Variants in SEMA6A observed in about 807,000 individuals in gnomAD.
SEMA6A encodes the protein semaphorin 6A, also known as semaphorin-6A.
A neutral mutation model predicts 96.8 loss-of-function variants in SEMA6A; 25 were observed. The ratio of observed to expected loss-of-function variants is 0.26; its 90% CI spans 0.19 to 0.36. The LOEUF (loss-of-function observed/expected upper bound fraction) is 0.36, where lower values mean the gene tolerates loss of function less well. SEMA6A is among the 10% of genes least tolerant of loss of function. The probability of loss-of-function intolerance (pLI) is 1.00; values close to 1 mark genes in which losing one functional copy is unlikely to be tolerated. For synonymous variants in SEMA6A, 612 were observed against 518.0 expected (o/e 1.18, Z -2.46); for missense variants, 1,363 against 1,323.1 (o/e 1.03, Z -0.47).
Position 116,478,116 on chromosome 5 carries a change from C to T in SEMA6A, c.1466G>A (p.Gly489Asp). Residue 489 changes from glycine (G) to aspartate (D), a missense_variant, in exon 14 of 19, where the codon GGC becomes GAC. Transcript: ENST00000343348. The stretch of plus-strand genomic sequence containing the variant: ...GCTGCTTGCTCTGTCCAGCTGCATG[C>T]CCATGATCCTTTTGTCTTCGACTCC... ...YDGVEDKRIM[G>D]MQLDRASSSL... The T allele has an allele frequency of 1.2e-6, 2 of 1,613,918 alleles. No individual in the cohort carries two copies. Among genetic ancestry groups the T allele is most frequent in the Non-Finnish European group, 1.7e-6 (2 of 1,179,852 alleles).
chr5:116,496,799 A>C (rs1757624583), intron 4 of SEMA6A, among the ~76,000 whole-genome samples: 1 of 152,192 alleles, frequency 6.6e-6, no homozygotes, highest in Admixed American at 6.5e-5. Context: ...CTTCACATAG[A>C]TTAATGGACT....
chr5:116,503,455 T>C (rs961986340), intron 2 of SEMA6A, among the ~76,000 whole-genome samples: 3 of 152,084 alleles, frequency 2.0e-5, no homozygotes, highest in African/African-American at 7.2e-5. Flanking sequence ...GTCTCTACGA[T>C]CATGGATTTG....
chr5:116,487,239 C>A (rs1311858583), intron 9 of SEMA6A: 2 of 357,382 alleles, frequency 5.6e-6, no homozygotes, highest in Non-Finnish European at 5.2e-6. Flanking sequence ...CATTTCCATA[C>A]AGACTGCTTA....
At chr5:116,510,453 C>T (rs776122966) in intron 1 of SEMA6A, among the ~76,000 whole-genome samples, 25 of 152,088 alleles carry the variant, frequency 1.6e-4, no homozygotes, top group Non-Finnish European at 3.4e-4. Context: ...ACCCTCTGCC[C>T]CCTTACTAGC....
chr5:116,447,589 C>G lies in SEMA6A; in HGVS notation c.2117G>C (p.Ser706Thr). Residue 706 changes from serine (S) to threonine (T), a missense_variant, in exon 19 of 19, where the codon AGC (serine) becomes ACC (threonine). Physicochemically the swap from Ser to Thr is moderately conservative, Grantham distance 58. Transcript: ENST00000343348. ...GGATTGAGTGTCCCCAAAGAGGCCG[C>G]TGAGCTTGGTGACGCTGCTCATGGA... ...RGSMSSVTKLSGLFGDTQSKD... is the reference protein window; with the variant it reads ...RGSMSSVTKLTGLFGDTQSKD... 1 of 1,614,052 alleles carries G rather than the reference C, an allele frequency of 6.2e-7. No homozygotes were observed. Among genetic ancestry groups the G allele is most frequent in the Non-Finnish European group, 8.5e-7 (1 of 1,179,898 alleles).
At chr5:116,464,941 G>A (rs1755638111) in intron 18 of SEMA6A, among the ~76,000 whole-genome samples, 1 of 152,142 alleles carries the variant, frequency 6.6e-6, no homozygotes, top group South Asian at 2.1e-4. Flanking sequence ...ACTCCTCAGT[G>A]AGCTGGTCAG....
At chr5:116,544,092 A>G (rs1580498286) in intron 1 of SEMA6A, among the ~76,000 whole-genome samples, 1 of 152,154 alleles carries the variant, frequency 6.6e-6, no homozygotes, top group Non-Finnish European at 1.5e-5. Context: ...TTGAAGGCTC[A>G]CCTTCCAACC....
intron 1 of SEMA6A, among the ~76,000 whole-genome samples, chr5:116,537,433 G>A (rs2112854617): frequency 6.6e-6 from 1 of 152,266 alleles, no homozygotes; most frequent in African/African-American, 2.4e-5. Context: ...GTGTTGAGGG[G>A]TCTGTGGAGA....
At position 116,478,647 on chromosome 5, in the gene SEMA6A, C is replaced by G. The variant is rs1367645481; in HGVS notation, c.1322G>C (p.Gly441Ala). Residue 441 changes from glycine to alanine, a missense_variant, in exon 13 of 19, where the codon GGA becomes GCA. Gly to Ala is a moderately conservative substitution (Grantham distance 60). Transcript: ENST00000343348. Reference sequence around the variant, plus strand: ...CTTCAAGATGATTCCCTTCTCTGATCCCAGAAAAACCACAGTGTGATTCTG... The same window carrying G: ...CTTCAAGATGATTCCCTTCTCTGATGCCAGAAAAACCACAGTGTGATTCTG... ...PYQNHTVVFL[G>A]SEKGIILKFL... The G allele has an allele frequency of 6.2e-7, 1 of 1,613,740 alleles. No homozygotes were observed. Among genetic ancestry groups the G allele is most frequent in the South Asian group, 1.1e-5 (1 of 91,022 alleles).
At chr5:116,539,860 A>C (rs955985973) in intron 1 of SEMA6A, among the ~76,000 whole-genome samples, 1 of 152,142 alleles carries the variant, frequency 6.6e-6, no homozygotes, top group Non-Finnish European at 1.5e-5. Flanking sequence ...TTAATTATTT[A>C]AGTCATGAGT....
chr5:116,453,218 C>A (rs1385433111), intron 18 of SEMA6A, among the ~76,000 whole-genome samples: 1 of 152,140 alleles, frequency 6.6e-6, no homozygotes, highest in Admixed American at 6.5e-5. Context: ...TGCTTCATGG[C>A]TCTCATACAG....
chr5:116,446,378 G>T lies in SEMA6A; in HGVS notation c.*235C>A. 1 of 446,822 alleles carries T rather than the reference G, an allele frequency of 2.2e-6. No homozygotes were observed. The allele number at this position is 446,822 out of a possible 1,614,324, so 27.7% of individuals were successfully genotyped here. ...GGGTCCGACCTGTTGTAGGGTGTGG[G>T]GGAAAGTGAAGGAAGAGAATGAAGG... On this transcript the variant is annotated 3_prime_UTR_variant, in exon 19 of 19. Coordinates refer to ENST00000343348, the MANE Select transcript of SEMA6A (RefSeq NM_020796.5).
intron 1 of SEMA6A, among the ~76,000 whole-genome samples, chr5:116,508,792 C>T (rs920539259): frequency 3.9e-5 from 6 of 152,094 alleles, no homozygotes; most frequent in African/African-American, 1.4e-4. Context: ...GGAAACATTC[C>T]CACTCCTTCC....
Position 116,467,471 on chromosome 5 carries a change from C to T in SEMA6A, c.1894+112G>A, listed in dbSNP as rs182468491. The stretch of plus-strand genomic sequence containing the variant: ...TTTTTCGAGAAACTTTCAATCATAG[C>T]GCATTGGAGGTTCCTTAAATGCTGC... On this transcript the variant is annotated intron_variant, in intron 18 of 18. Transcript: ENST00000343348. 1.1e-3 allele frequency: 1,035 copies of T among 980,412 alleles called. 10 individuals carry two copies. The African/African-American group carries it at 0.015, about 15-fold the overall frequency. 60.7% of individuals were successfully genotyped at this position (980,412 alleles called of 1,614,324 possible).
At chr5:116,474,310 A>G (rs867356849) in intron 16 of SEMA6A, among the ~76,000 whole-genome samples, 5 of 147,946 alleles carry the variant, frequency 3.4e-5, no homozygotes, top group Admixed American at 7.4e-5. Context: ...ACACACACAC[A>G]TCTTAAAACC....
intron 1 of SEMA6A, among the ~76,000 whole-genome samples, chr5:116,517,327 C>T (rs992585630): frequency 3.3e-5 from 5 of 151,748 alleles, no homozygotes; most frequent in African/African-American, 4.8e-5. Flanking sequence ...TACATGCCTT[C>T]GTTCCTAAAG....
intron 1 of SEMA6A, chr5:116,507,996 A>T (rs1004942691): frequency 2.6e-5 from 4 of 152,122 alleles, no homozygotes; most frequent in African/African-American, 9.7e-5. Context: ...ACTAATTTGT[A>T]TTGACTTTCT....
At chr5:116,527,089 G>T (rs1759261244) in intron 1 of SEMA6A, among the ~76,000 whole-genome samples, 1 of 152,116 alleles carries the variant, frequency 6.6e-6, no homozygotes, top group African/African-American at 2.4e-5. Context: ...AACTGAGAAA[G>T]ATATAGCTGG....
rs994563178 is a variant in SEMA6A at position 116,467,900 on chromosome 5, G to C, written c.1730-153C>G. The C allele has an allele frequency of 2.4e-3, 1,691 of 695,726 alleles. 10 individuals are homozygous for C. The highest frequency in any genetic ancestry group is 3.3e-3 in the Non-Finnish European group (1,375 of 419,668). The allele number at this position is 695,726 out of a possible 1,614,324, so 43.1% of individuals were successfully genotyped here. A position where few individuals can be genotyped will look rare whatever the true frequency, so the allele number is the denominator to read the frequency against. On this transcript the variant is annotated intron_variant, in intron 17 of 18. Transcript: ENST00000343348. Reference sequence around the variant, plus strand: ...ACGGCTTAGTGGTGGTGGTGGTGGTGGTGGTGGTGGTGGTGTGGGGTGTGT... The same window carrying C: ...ACGGCTTAGTGGTGGTGGTGGTGGTCGTGGTGGTGGTGGTGTGGGGTGTGT...
Sources: allele counts gnomAD v4.1 joint callset (sites outside exome capture counted in the v4.1 genomes callset), GRCh38; gene constraint gnomAD v4.1.1; transcripts MANE v1.5; gene names NCBI Gene and HGNC (gene_info 2026-07-23, HGNC 2026-07-21).